The following ACTN1 variants were observed in gnomAD, a reference collection of about 807,000 sequenced individuals.
ACTN1 encodes the protein actinin alpha 1.
Under a neutral mutation model 119.6 loss-of-function variants are expected in ACTN1, and 30 were observed. The ratio of observed to expected loss-of-function variants is 0.25; its 90% CI spans 0.19 to 0.34. The LOEUF (loss-of-function observed/expected upper bound fraction) is 0.34, where lower values mean the gene tolerates loss of function less well. Ranked by LOEUF, ACTN1 falls within the 10% of genes least tolerant of loss-of-function variation. The probability of loss-of-function intolerance (pLI) is 1.00; values close to 1 mark genes in which losing one functional copy is unlikely to be tolerated. For missense variants in ACTN1, 764 were observed against 1,223.4 expected (o/e 0.62, Z 5.60); for synonymous variants, 429 against 472.6 (o/e 0.91, Z 1.20).
intron 1 of ACTN1, among the ~76,000 whole-genome samples, chr14:68,928,905 G>A (rs1298006572): frequency 2.0e-5 from 3 of 151,922 alleles, no homozygotes; most frequent in Admixed American, 1.3e-4. Flanking sequence ...TTTTTGCACC[G>A]GTGCTGGTGT....
chr14:68,930,487 G>A (rs964794692), intron 1 of ACTN1, among the ~76,000 whole-genome samples: 3 of 152,188 alleles, frequency 2.0e-5, no homozygotes, highest in African/African-American at 7.2e-5. Context: ...GTTAGGGGAT[G>A]AGCTTTTACA....
chr14:68,971,178 T>C (rs1410710007), intron 1 of ACTN1, among the ~76,000 whole-genome samples: 1 of 152,256 alleles, frequency 6.6e-6, no homozygotes, highest in Non-Finnish European at 1.5e-5. Flanking sequence ...TTAACCTCTC[T>C]GGGCTTCCAT....
intron 8 of ACTN1, 25 bp downstream of exon 8, chr14:68,902,452 G>A: frequency 1.3e-6 from 2 of 1,599,484 alleles, no homozygotes; most frequent in Middle Eastern, 1.7e-4. Context: ...TGCTGGGCAT[G>A]GAAGGAGCAG....
chr14:68,893,751 G>A lies in ACTN1; in HGVS notation c.763-4C>T, dbSNP rs1297115965. 1 of 1,613,518 alleles carries A rather than the reference G, an allele frequency of 6.2e-7. No homozygotes were observed. The highest frequency in any genetic ancestry group is 8.5e-7 in the Non-Finnish European group (1 of 1,179,898). On this transcript the variant is annotated splice_polypyrimidine_tract_variant and splice_region_variant and intron_variant, in intron 8 of 21. Transcript: ENST00000394419. ...TGCGATTGGCTGCTGTCTCCGCCTG[G>A]CAACAAGACAGAGAGAGTCACGACC...
At chr14:68,911,274 A>C (rs967137768) in intron 4 of ACTN1, among the ~76,000 whole-genome samples, 2 of 152,248 alleles carry the variant, frequency 1.3e-5, no homozygotes, top group African/African-American at 2.4e-5. Flanking sequence ...AGAGCTGACA[A>C]GAAGTCCACC....
At position 68,882,803 on chromosome 14, in the gene ACTN1, C is replaced by A; in HGVS notation, c.1818+70G>T. The A allele has an allele frequency of 3.8e-6, 6 of 1,571,476 alleles. No homozygotes were observed. In the South Asian group the frequency reaches 6.8e-5, roughly 18 times the overall value. ...AATTTTAAATGAAATTGACAAAAAT[C>A]AATTAAAATGGACAAAAATCCCTGC... On this transcript the variant is annotated intron_variant, in intron 15 of 21. Transcript: ENST00000394419. This position sits in a 1 kb window ranked among gnomAD's most constrained non-coding sequence, Gnocchi z 4.5.
chr14:68,895,361 C>T (rs1181734652), intron 8 of ACTN1, among the ~76,000 whole-genome samples: 5 of 152,186 alleles, frequency 3.3e-5, no homozygotes, highest in Non-Finnish European at 2.9e-5. Context: ...CAAGCACCCA[C>T]GGGGAATCCC....
Position 68,878,454 on chromosome 14 carries a change from T to C in ACTN1, c.2427+4A>G. On this transcript the variant is annotated splice_donor_region_variant and intron_variant, in intron 20 of 21. Transcript: ENST00000394419. This position sits in a 1 kb window ranked among gnomAD's most constrained non-coding sequence, Gnocchi z 4.4. ...GGGCAGACAGAGGGTGGGGTTTACG[T>C]TACCATGTTGTAACCCATGGAGATC... 1.3e-6 allele frequency: 2 copies of C among 1,547,030 alleles called. No homozygotes were observed. Among genetic ancestry groups the C allele is most frequent in the Non-Finnish European group, 1.7e-6 (2 of 1,144,718 alleles).
intron 1 of ACTN1, among the ~76,000 whole-genome samples, chr14:68,971,972 G>A (rs867955411): frequency 2.6e-5 from 4 of 152,158 alleles, no homozygotes; most frequent in Middle Eastern, 3.4e-3. Flanking sequence ...CCTTTGGGGG[G>A]CACCCTGGCC....
chr14:68,917,106 T>G (rs1028728911), intron 3 of ACTN1, among the ~76,000 whole-genome samples: 8 of 152,200 alleles, frequency 5.3e-5, no homozygotes, highest in Admixed American at 3.9e-4. Context: ...TTCTCTCCCC[T>G]GGTTAACTAC....
rs2035404084 is a variant in ACTN1 at position 68,934,731 on chromosome 14, G to A, written c.106-9059C>T. On this transcript the variant is annotated intron_variant, in intron 1 of 21. Transcript: ENST00000394419. ...TTGTATTAATAAGGTATTAGGTTAA[G>A]TATATTAGGCTTCATCATCCACTTA... Among the ~76,000 whole-genome samples the A allele has an allele frequency of 2.6e-5, 4 of 152,320 alleles. No homozygotes were observed. In the South Asian group the frequency reaches 8.3e-4, roughly 32 times the overall value.
chr14:68,915,960 G>C (rs1017614325), intron 3 of ACTN1, among the ~76,000 whole-genome samples: 4 of 152,232 alleles, frequency 2.6e-5, no homozygotes, highest in African/African-American at 7.2e-5. Context: ...GTTGCAGTAA[G>C]CTGAGATCGT....
At chr14:68,936,544 A>C in intron 1 of ACTN1, 1 of 413,060 alleles carries the variant, frequency 2.4e-6, no homozygotes, top group Non-Finnish European at 4.6e-6. Flanking sequence ...CAGTCTGTCT[A>C]GGGGGTGGCG....
chr14:68,909,287 C>A lies in ACTN1; in HGVS notation c.594+31G>T, dbSNP rs1566626117. 15 of 1,611,402 alleles carry A rather than the reference C, an allele frequency of 9.3e-6. No homozygotes were observed. The highest frequency in any genetic ancestry group is 1.7e-4 in the Middle Eastern group (1 of 5,720). The stretch of plus-strand genomic sequence containing the variant: ...TTTTCCCACCCCACCTGCCAGGGAC[C>A]CAAAGCGGGTGGTCAGGTGGGCACA... On this transcript the variant is annotated intron_variant, in intron 6 of 21. Coordinates refer to ENST00000394419, the MANE Select transcript of ACTN1 (RefSeq NM_001130004.2). This position sits in a 1 kb window ranked among gnomAD's most constrained non-coding sequence, Gnocchi z 4.1.
chr14:68,903,548 A>G (rs541681285), intron 7 of ACTN1, among the ~76,000 whole-genome samples: 19 of 151,970 alleles, frequency 1.3e-4, no homozygotes, highest in Admixed American at 1.1e-3. Context: ...AAAAAAAAAA[A>G]AAGCCACTGG....
intron 1 of ACTN1, among the ~76,000 whole-genome samples, chr14:68,955,549 A>T (rs2036327121): frequency 6.6e-6 from 1 of 152,204 alleles, no homozygotes; most frequent in Non-Finnish European, 1.5e-5. Context: ...GGAAGCAGAA[A>T]GTTAAAAAGC....
chr14:68,974,480 G>A (rs535628034), intron 1 of ACTN1, among the ~76,000 whole-genome samples: 1 of 152,282 alleles, frequency 6.6e-6, no homozygotes, highest in Non-Finnish European at 1.5e-5. Context: ...GTGCTCCCCA[G>A]CATGGATAGT....
intron 1 of ACTN1, among the ~76,000 whole-genome samples, chr14:68,928,817 C>G (rs1373281278): frequency 3.9e-5 from 6 of 152,158 alleles, no homozygotes; most frequent in African/African-American, 7.2e-5. Flanking sequence ...TCCCTGCCCC[C>G]AGCCACCAAA....
chr14:68,939,619 A>C (rs1594849191), intron 1 of ACTN1, among the ~76,000 whole-genome samples: 1 of 152,140 alleles, frequency 6.6e-6, no homozygotes, highest in African/African-American at 2.4e-5. Context: ...GTGGTTTCTT[A>C]GGGCTGGGAA....
Sources: allele counts gnomAD v4.1 joint callset (sites outside exome capture counted in the v4.1 genomes callset), GRCh38; gene constraint gnomAD v4.1.1; non-coding constraint Gnocchi (gnomAD v3.1); transcripts MANE v1.5; gene names NCBI Gene and HGNC (gene_info 2026-07-23, HGNC 2026-07-21).